The following SYNE3 variants were observed in gnomAD, a reference collection of about 807,000 sequenced individuals.
SYNE3 encodes the protein spectrin repeat containing nuclear envelope family member 3.
A neutral mutation model predicts 111.2 loss-of-function variants in SYNE3; 100 were observed. The observed-to-expected ratio is 0.90, with a 90% CI of 0.77 to 1.06. The LOEUF is 1.06. Ranked by LOEUF, SYNE3 falls within the 50% of genes least tolerant of loss-of-function variation. The pLI is 0.00. For missense variants in SYNE3, 1,160 were observed against 1,240.3 expected (o/e 0.94, Z 0.97); for synonymous variants, 547 against 533.9 (o/e 1.02, Z -0.34).
intron 1 of SYNE3, among the ~76,000 whole-genome samples, chr14:95,510,043 A>C (rs1195269328): frequency 6.6e-6 from 1 of 152,230 alleles, no homozygotes; most frequent in East Asian, 1.9e-4. Context: ...TCTGAGGCTC[A>C]GGCTGGCTCC....
intron 1 of SYNE3, among the ~76,000 whole-genome samples, chr14:95,495,780 C>T (rs1002693359): frequency 5.3e-5 from 8 of 152,238 alleles, no homozygotes; most frequent in African/African-American, 2.4e-5. Context: ...CAGGATTTCC[C>T]ATCTCACACC....
At chr14:95,504,819 T>TA (rs869048171) in intron 1 of SYNE3, among the ~76,000 whole-genome samples, 6 of 116,752 alleles carry the variant, frequency 5.1e-5, no homozygotes, top group South Asian at 2.6e-4. Flanking sequence ...CACCTCTATC[T>TA]AAAAAAAAAG....
intron 1 of SYNE3, among the ~76,000 whole-genome samples, chr14:95,505,038 C>T (rs1347794135): frequency 6.6e-6 from 1 of 152,298 alleles, no homozygotes; most frequent in East Asian, 1.9e-4. Flanking sequence ...GGACCCTATT[C>T]GATCTACGAA....
chr14:95,432,401 C>A (rs868319048), intron 16 of SYNE3, among the ~76,000 whole-genome samples: 1 of 152,056 alleles, frequency 6.6e-6, no homozygotes, highest in Non-Finnish European at 1.5e-5. Flanking sequence ...GTGGCCGTCT[C>A]GGCTGCTCCC....
At chr14:95,478,861 G>A (rs1412629114) in intron 1 of SYNE3, among the ~76,000 whole-genome samples, 1 of 152,124 alleles carries the variant, frequency 6.6e-6, no homozygotes, top group African/African-American at 2.4e-5. Flanking sequence ...TATCTCAGGT[G>A]GTCCAAGGCT....
chr14:95,511,782 T>C (rs1462087796), intron 1 of SYNE3, among the ~76,000 whole-genome samples: 2 of 152,130 alleles, frequency 1.3e-5, no homozygotes, highest in Non-Finnish European at 1.5e-5. Context: ...ATCTCAGGTA[T>C]ACTTCCCGTC....
chr14:95,459,932 T>C (rs1887686047), intron 4 of SYNE3, among the ~76,000 whole-genome samples: 1 of 146,890 alleles, frequency 6.8e-6, no homozygotes, highest in Admixed American at 6.6e-5. Flanking sequence ...ATGGCATCTC[T>C]ACAAAAAATT....
At position 95,467,247 on chromosome 14, in the gene SYNE3, C is replaced by T. The variant is rs529356205; in HGVS notation, c.317+548G>A. Among the ~76,000 whole-genome samples, 6 of 152,296 alleles carry T rather than the reference C, an allele frequency of 3.9e-5. No individual in the cohort carries two copies. The South Asian group carries it at 6.2e-4, about 16-fold the overall frequency. The stretch of plus-strand genomic sequence containing the variant: ...CTACTTTGTACCAAGCAGTGTGCCT[C>T]GCTCTTGATATTTGCTATCCCCTCC... On this transcript the variant is annotated intron_variant, in intron 3 of 17. Coordinates refer to ENST00000682763, the MANE Select transcript of SYNE3 (RefSeq NM_152592.6).
chr14:95,504,303 G>A (rs1278533526), intron 1 of SYNE3, among the ~76,000 whole-genome samples: 3 of 152,040 alleles, frequency 2.0e-5, no homozygotes, highest in Admixed American at 6.5e-5. Context: ...AGAAGCTCCA[G>A]AGGCCAGTGC....
At chr14:95,465,553 G>A (rs915015137) in intron 4 of SYNE3, among the ~76,000 whole-genome samples, 3 of 152,148 alleles carry the variant, frequency 2.0e-5, no homozygotes, top group African/African-American at 7.2e-5. Context: ...GAATGCGTGG[G>A]CGATTAAGTG....
intron 17 of SYNE3, among the ~76,000 whole-genome samples, chr14:95,427,213 C>T (rs1401946503): frequency 6.6e-6 from 1 of 152,118 alleles, no homozygotes; most frequent in Non-Finnish European, 1.5e-5. Flanking sequence ...GGGGTAACGC[C>T]AGTGTCTGGG....
chr14:95,514,918 T>C (rs1454870733), intron 1 of SYNE3, among the ~76,000 whole-genome samples: 1 of 152,206 alleles, frequency 6.6e-6, no homozygotes, highest in African/African-American at 2.4e-5. Flanking sequence ...TGCCCAGGCA[T>C]GGCCAGGTCC....
rs1903348901 is a variant in SYNE3 at position 95,408,691 on chromosome 14, T to C, written c.*9135A>G. 1 of 224,340 alleles carries C rather than the reference T, an allele frequency of 4.5e-6. No homozygotes were observed. Among genetic ancestry groups the C allele is most frequent in the Non-Finnish European group, 9.0e-6 (1 of 111,358 alleles). 13.9% of individuals were successfully genotyped at this position (224,340 alleles called of 1,614,324 possible). On this transcript the variant is annotated 3_prime_UTR_variant, in exon 18 of 18. Transcript: ENST00000682763. ...CACACATGCTATGCTCACATACGCG[T>C]GCATCCCTCCCACCCTGCCCACCCC...
intron 1 of SYNE3, among the ~76,000 whole-genome samples, chr14:95,482,890 A>G (rs192865327): frequency 6.6e-6 from 1 of 152,320 alleles, no homozygotes; most frequent in East Asian, 1.9e-4. Context: ...GCCCAAAGTC[A>G]CCGGGATGCT....
chr14:95,495,707 T>C (rs1890062400), intron 1 of SYNE3, among the ~76,000 whole-genome samples: 1 of 152,120 alleles, frequency 6.6e-6, no homozygotes. Flanking sequence ...GGCTGTAAAA[T>C]GTCGGCAGAA....
chr14:95,432,637 TA>T, intron 16 of SYNE3, among the ~76,000 whole-genome samples: 1 of 49,282 alleles, frequency 2.0e-5, no homozygotes, highest in Middle Eastern at 0.015. Context: ...GTTTTGCTAT[TA>T]TTATTATTAT....
intron 17 of SYNE3, among the ~76,000 whole-genome samples, chr14:95,431,110 T>G (rs1036437109): frequency 2.6e-5 from 4 of 152,218 alleles, no homozygotes; most frequent in African/African-American, 9.6e-5. Flanking sequence ...CGGAGGAGGC[T>G]CGTGTCATTA....
intron 4 of SYNE3, among the ~76,000 whole-genome samples, chr14:95,464,475 C>G (rs953396101): frequency 6.6e-6 from 1 of 152,150 alleles, no homozygotes; most frequent in Admixed American, 6.5e-5. Flanking sequence ...TTGTTACAAA[C>G]GCAATCTGAG....
chr14:95,419,163 T>G (rs1397608048), intron 17 of SYNE3, among the ~76,000 whole-genome samples: 1 of 152,204 alleles, frequency 6.6e-6, no homozygotes, highest in Non-Finnish European at 1.5e-5. Context: ...GGGCAAGAGC[T>G]GGTCACTCAG....
Sources: allele counts gnomAD v4.1 joint callset (sites outside exome capture counted in the v4.1 genomes callset), GRCh38; gene constraint gnomAD v4.1.1; transcripts MANE v1.5; gene names NCBI Gene and HGNC (gene_info 2026-07-23, HGNC 2026-07-21).